PCSK5: variants seen among roughly 807,000 people sequenced by gnomAD.
PCSK5 encodes proprotein convertase subtilisin/kexin type 5.
A neutral mutation model predicts 233.2 loss-of-function variants in PCSK5; 129 were observed. The observed-to-expected ratio is 0.55, with a 90% CI of 0.48 to 0.64. The LOEUF is 0.64. Among genes scored for constraint, PCSK5 ranks in the 30% least tolerant of loss-of-function variants. The pLI, the probability that PCSK5 is intolerant of heterozygous loss-of-function variation, is 0.00. For missense variants in PCSK5, 2,076 were observed against 2,430.1 expected (o/e 0.85, Z 3.06); for synonymous variants, 825 against 879.2 (o/e 0.94, Z 1.09).
At position 76,354,114 on chromosome 9, in the gene PCSK5, C is replaced by T; in HGVS notation, c.5149C>T (p.Pro1717Ser). 1.2e-6 allele frequency: 2 copies of T among 1,604,318 alleles called. No homozygotes were observed. Among genetic ancestry groups the T allele is most frequent in the East Asian group, 4.5e-5 (2 of 44,580 alleles). ...GPGAKNCTLC[P>S]ANLVLHMDDS... The stretch of plus-strand genomic sequence containing the variant: ...AGGGGCCAAGAACTGCACCTTGTGC[C>T]CTGCCAACCTGGTGCTGCACATGGA... The change falls in exon 37 of 38, where the codon CCT (proline) becomes TCT (serine). Residue 1717 changes from proline to serine, a missense_variant. This residue lies in a region of PCSK5 where 1,510 missense variants were observed against 1,538.1 expected (regional missense o/e 0.98). Transcript: ENST00000674117.
chr9:76,109,156 G>A (rs1394440362), intron 9 of PCSK5, among the ~76,000 whole-genome samples: 2 of 152,136 alleles, frequency 1.3e-5, no homozygotes, highest in East Asian at 3.8e-4. Context: ...AAGTGTTCTG[G>A]CAGCGGAAGT....
At chr9:76,139,023 A>G (rs1295436532) in intron 10 of PCSK5, among the ~76,000 whole-genome samples, 1 of 152,020 alleles carries the variant, frequency 6.6e-6, no homozygotes, top group Non-Finnish European at 1.5e-5. Flanking sequence ...AACAATTGAC[A>G]GTCTAACATG....
At chr9:75,944,124 C>G (rs1056370618) in intron 2 of PCSK5, among the ~76,000 whole-genome samples, 1 of 151,772 alleles carries the variant, frequency 6.6e-6, no homozygotes, top group Non-Finnish European at 1.5e-5. Context: ...GATTACACCA[C>G]TGCACTCCAG....
chr9:76,178,156 C>G (rs1823699787), intron 14 of PCSK5, among the ~76,000 whole-genome samples: 1 of 152,156 alleles, frequency 6.6e-6, no homozygotes, highest in Non-Finnish European at 1.5e-5. Context: ...AGTCCATAGA[C>G]AGCAGAGACA....
intron 1 of PCSK5, among the ~76,000 whole-genome samples, chr9:75,907,277 A>G (rs577308635): frequency 6.6e-6 from 1 of 152,168 alleles, no homozygotes; most frequent in South Asian, 2.1e-4. Context: ...GTCATTAAAT[A>G]TTGGTTGAAT....
intron 2 of PCSK5, among the ~76,000 whole-genome samples, chr9:75,934,017 G>T (rs1253399303): frequency 4.6e-5 from 7 of 152,160 alleles, no homozygotes; most frequent in Admixed American, 1.3e-4. Flanking sequence ...TGAACATGGA[G>T]CTATTTCGAT....
chr9:75,989,828 T>C (rs1826688929), intron 3 of PCSK5, among the ~76,000 whole-genome samples: 1 of 152,112 alleles, frequency 6.6e-6, no homozygotes, highest in Admixed American at 6.5e-5. Flanking sequence ...TTCTGTAGTT[T>C]TCTATTGGTC....
chr9:75,917,387 G>A (rs1266093336), intron 1 of PCSK5, among the ~76,000 whole-genome samples: 4 of 152,200 alleles, frequency 2.6e-5, no homozygotes, highest in Non-Finnish European at 4.4e-5. Flanking sequence ...TTGGGAACAA[G>A]TGTGTATGAA....
chr9:76,050,885 G>A (rs1490418148), intron 5 of PCSK5, among the ~76,000 whole-genome samples: 1 of 152,004 alleles, frequency 6.6e-6, no homozygotes, highest in African/African-American at 2.4e-5. Flanking sequence ...ACAATTTTCT[G>A]CTCCTCCCCT....
intron 1 of PCSK5, among the ~76,000 whole-genome samples, chr9:75,911,344 T>C (rs934500358): frequency 6.6e-6 from 1 of 151,032 alleles, no homozygotes; most frequent in African/African-American, 2.4e-5. Context: ...TTGTAGTCTC[T>C]CACCTGTGGA....
At chr9:76,193,470 CTCTCTTTT>C in intron 20 of PCSK5, 1 of 741,666 alleles carries the variant, frequency 1.3e-6, no homozygotes, top group Non-Finnish European at 2.0e-6. Flanking sequence ...TCTTTTCTTG[CTCTCTTTT>C]TCTTTCTCTC....
intron 10 of PCSK5, among the ~76,000 whole-genome samples, chr9:76,151,596 A>G (rs1260801912): frequency 6.6e-6 from 1 of 152,138 alleles, no homozygotes; most frequent in Non-Finnish European, 1.5e-5. Flanking sequence ...GCGATGTGCT[A>G]CCTTCGTCCT....
At chr9:76,075,428 T>C (rs901575755) in intron 7 of PCSK5, among the ~76,000 whole-genome samples, 2 of 152,030 alleles carry the variant, frequency 1.3e-5, no homozygotes, top group African/African-American at 2.4e-5. Context: ...GAATTTTGTT[T>C]GTATTTTCCC....
chr9:75,905,716 C>G (rs1460315734), intron 1 of PCSK5, among the ~76,000 whole-genome samples: 1 of 152,126 alleles, frequency 6.6e-6, no homozygotes, highest in Non-Finnish European at 1.5e-5. Flanking sequence ...TCAGTGGGGC[C>G]GGTAGACTCT....
chr9:76,220,254 T>C (rs1431780898), intron 20 of PCSK5, among the ~76,000 whole-genome samples: 1 of 152,174 alleles, frequency 6.6e-6, no homozygotes, highest in Admixed American at 6.5e-5. Context: ...GGGCTGGGCA[T>C]GGTGGCTCAT....
At chr9:76,350,567 C>G (rs1472864297) in intron 35 of PCSK5, among the ~76,000 whole-genome samples, 1 of 152,186 alleles carries the variant, frequency 6.6e-6, no homozygotes, top group Non-Finnish European at 1.5e-5. Flanking sequence ...ATTTCTCATT[C>G]TCTGAAACTC....
chr9:76,036,578 C>G (rs1828868224), intron 5 of PCSK5, among the ~76,000 whole-genome samples: 1 of 152,178 alleles, frequency 6.6e-6, no homozygotes, highest in South Asian at 2.1e-4. Flanking sequence ...ACAACCAAAA[C>G]ACCTACAAAT....
intron 7 of PCSK5, among the ~76,000 whole-genome samples, chr9:76,080,409 C>T (rs550735727): frequency 1.6e-4 from 25 of 152,264 alleles, no homozygotes; most frequent in Non-Finnish European, 2.8e-4. Flanking sequence ...ATTGTCTCTT[C>T]GATGCTTGTA....
At chr9:76,245,587 C>T (rs1826567100) in intron 24 of PCSK5, among the ~76,000 whole-genome samples, 1 of 152,020 alleles carries the variant, frequency 6.6e-6, no homozygotes, top group South Asian at 2.1e-4. Context: ...AAGGCTTCTG[C>T]TATGGATTTT....
Sources: gnomAD v4.1 joint callset for allele counts (sites outside exome capture counted in the v4.1 genomes callset) on GRCh38, gnomAD v4.1.1 for gene constraint, gnomAD v4.1.1 regional missense constraint, MANE v1.5 for transcripts, NCBI Gene and HGNC (gene_info 2026-07-23, HGNC 2026-07-21) for gene names.